Variants in PXDNL observed in about 807,000 individuals in gnomAD.
PXDNL encodes the protein peroxidasin like, also known as probable oxidoreductase PXDNL.
In PXDNL, 145 loss-of-function variants were observed where a neutral mutation model predicts 150.8. The ratio of observed to expected loss-of-function variants is 0.96; its 90% CI spans 0.84 to 1.10. The LOEUF (loss-of-function observed/expected upper bound fraction) is 1.10. PXDNL is among the 50% of genes least tolerant of loss of function. PXDNL has a pLI of 0.00. For synonymous variants in PXDNL, 757 were observed against 725.7 expected, an observed-to-expected ratio of 1.04 and a Z score of -0.69; for missense variants, 2,087 against 1,873.9, an observed-to-expected ratio of 1.11 and a Z score of -2.10.
At chr8:51,611,753 G>A (rs1401014274) in intron 2 of PXDNL, among the ~76,000 whole-genome samples, 1 of 152,148 alleles carries the variant, frequency 6.6e-6, no homozygotes, top group Non-Finnish European at 1.5e-5. Flanking sequence ...GAGGGAGCAC[G>A]GCTTTCTGGA....
chr8:51,759,015 G>A (rs1173845251), intron 1 of PXDNL, among the ~76,000 whole-genome samples: 1 of 152,184 alleles, frequency 6.6e-6, no homozygotes, highest in Non-Finnish European at 1.5e-5. Flanking sequence ...AAGACATGGG[G>A]AGAAGCATTT....
chr8:51,373,021 C>G (rs35949658), intron 18 of PXDNL, among the ~76,000 whole-genome samples: 2 of 152,130 alleles, frequency 1.3e-5, no homozygotes, highest in Non-Finnish European at 2.9e-5. Flanking sequence ...AGACTTCTTG[C>G]CACTATCTTG....
At chr8:51,499,374 G>T (rs996936217) in intron 5 of PXDNL, among the ~76,000 whole-genome samples, 1 of 152,020 alleles carries the variant, frequency 6.6e-6, no homozygotes, top group Admixed American at 6.6e-5. Flanking sequence ...CAGGTGATCC[G>T]CCCACCTCGG....
At chr8:51,686,234 C>T (rs574535393) in intron 1 of PXDNL, among the ~76,000 whole-genome samples, 7 of 152,318 alleles carry the variant, frequency 4.6e-5, no homozygotes, top group African/African-American at 1.7e-4. Flanking sequence ...CTCTAGAACT[C>T]TCTTGGTAAT....
chr8:51,751,897 C>T (rs1485455970), intron 1 of PXDNL, among the ~76,000 whole-genome samples: 2 of 152,108 alleles, frequency 1.3e-5, no homozygotes, highest in African/African-American at 2.4e-5. Context: ...GAAGTGTTCC[C>T]GGAACAAACT....
intron 19 of PXDNL, among the ~76,000 whole-genome samples, chr8:51,350,999 A>G (rs1806335361): frequency 1.3e-5 from 2 of 152,216 alleles, no homozygotes; most frequent in African/African-American, 4.8e-5. Context: ...TTTCACCTCA[A>G]TTAGAATCAA....
At chr8:51,363,296 T>C (rs1806810649) in intron 19 of PXDNL, among the ~76,000 whole-genome samples, 1 of 152,016 alleles carries the variant, frequency 6.6e-6, no homozygotes, top group Admixed American at 6.6e-5. Flanking sequence ...GGGGAAGACA[T>C]TAGTGAAGGT....
At chr8:51,789,293 A>G (rs2037489364) in intron 1 of PXDNL, among the ~76,000 whole-genome samples, 2 of 151,732 alleles carry the variant, frequency 1.3e-5, no homozygotes, top group African/African-American at 2.4e-5. Context: ...GAATATTTCT[A>G]GAAAAGATTT....
intron 2 of PXDNL, among the ~76,000 whole-genome samples, chr8:51,628,399 C>CTTTTTTTTTTTTTTTTTTTTTTTT (rs71550276): frequency 1.3e-4 from 9 of 69,748 alleles, no homozygotes; most frequent in South Asian, 7.6e-4. Flanking sequence ...CTTTTCTTTT[C>CTTTTTTTTTTTTTTTTTTTTTTTT]TTTTTTTTTT....
At chr8:51,764,969 G>C (rs2037211708) in intron 1 of PXDNL, among the ~76,000 whole-genome samples, 1 of 152,176 alleles carries the variant, frequency 6.6e-6, no homozygotes, top group African/African-American at 2.4e-5. Context: ...TTGGGGCTCT[G>C]TTATTGAGTG....
chr8:51,487,546 A>T (rs1376906043), intron 5 of PXDNL, among the ~76,000 whole-genome samples: 1 of 152,098 alleles, frequency 6.6e-6, no homozygotes, highest in East Asian at 1.9e-4. Flanking sequence ...AATGCTTGAC[A>T]TACTTTAACG....
At chr8:51,707,514 G>C (rs755716188) in intron 1 of PXDNL, among the ~76,000 whole-genome samples, 3 of 152,036 alleles carry the variant, frequency 2.0e-5, no homozygotes, top group Non-Finnish European at 4.4e-5. Context: ...GTTTGGTTTT[G>C]TTTGTGGTAA....
chr8:51,519,478 A>G (rs1449063497), intron 4 of PXDNL, among the ~76,000 whole-genome samples: 1 of 152,126 alleles, frequency 6.6e-6, no homozygotes, highest in Non-Finnish European at 1.5e-5. Flanking sequence ...GGTTGCAGCG[A>G]GCAGACTTTG....
At chr8:51,571,236 G>C (rs1016855276) in intron 3 of PXDNL, among the ~76,000 whole-genome samples, 6 of 151,728 alleles carry the variant, frequency 4.0e-5, no homozygotes, top group Admixed American at 3.9e-4. Flanking sequence ...AACAATCAAA[G>C]CTAAGAAGTT....
intron 3 of PXDNL, among the ~76,000 whole-genome samples, chr8:51,577,923 A>AAAAGAAAGAAAGAAAG (rs1234489822): frequency 1.4e-4 from 6 of 42,400 alleles, no homozygotes; most frequent in Non-Finnish European, 1.9e-4. Context: ...GAAAAGAAAG[A>AAAAGAAAGAAAGAAAG]AAAGAAAGAA....
At chr8:51,510,770 T>C (rs970149289) in intron 4 of PXDNL, among the ~76,000 whole-genome samples, 1 of 151,982 alleles carries the variant, frequency 6.6e-6, no homozygotes, top group East Asian at 1.9e-4. Context: ...CCAAAGCGGG[T>C]GGATCATCTG....
intron 12 of PXDNL, among the ~76,000 whole-genome samples, chr8:51,445,138 T>G (rs1032973154): frequency 6.6e-6 from 1 of 152,174 alleles, no homozygotes; most frequent in Non-Finnish European, 1.5e-5. Context: ...CAGGCTGGTC[T>G]CGAACACCTG....
At chr8:51,626,162 C>T (rs542833970) in intron 2 of PXDNL, among the ~76,000 whole-genome samples, 18 of 152,224 alleles carry the variant, frequency 1.2e-4, no homozygotes, top group Admixed American at 2.6e-4. Context: ...TAGATAATAA[C>T]GAGAATGAAC....
chr8:51,718,244 A>G (rs1481169841), intron 1 of PXDNL, among the ~76,000 whole-genome samples: 1 of 151,962 alleles, frequency 6.6e-6, no homozygotes, highest in Non-Finnish European at 1.5e-5. Flanking sequence ...GGAAGGAGGG[A>G]GACCACCTTC....
Sources: gnomAD v4.1 joint callset for allele counts (sites outside exome capture counted in the v4.1 genomes callset) on GRCh38, gnomAD v4.1.1 for gene constraint, MANE v1.5 for transcripts, NCBI Gene and HGNC (gene_info 2026-07-23, HGNC 2026-07-21) for gene names.